SLC67A2: variants seen among roughly 807,000 people sequenced by gnomAD.
SLC67A2 encodes solute carrier family 67 member A2.
chr2:102,731,052 A>G, the SLC67A2 span: 1 of 1,613,972 alleles, frequency 6.2e-7, no homozygotes, highest in Non-Finnish European at 8.5e-7. Flanking sequence ...AGAGTTGCAA[A>G]ATGCCATAGG....
chr2:102,726,103 TA>T, the SLC67A2 span, among the ~76,000 whole-genome samples: 1 of 152,128 alleles, frequency 6.6e-6, no homozygotes, highest in Non-Finnish European at 1.5e-5. Context: ...TTCAAAATGT[TA>T]AAAACAGTCC....
chr2:102,718,717 T>G, the SLC67A2 span: 2 of 1,613,896 alleles, frequency 1.2e-6, no homozygotes, highest in South Asian at 2.2e-5. Context: ...AGAGGACAAC[T>G]GCACCCATGG....
chr2:102,715,555 T>C, the SLC67A2 span, among the ~76,000 whole-genome samples: 1 of 152,074 alleles, frequency 6.6e-6, no homozygotes, highest in Non-Finnish European at 1.5e-5. Context: ...TTCATCCCTC[T>C]AGACATGAGG....
At chr2:102,719,280 G>T in the SLC67A2 span, 1 of 1,444,358 alleles carries the variant, frequency 6.9e-7, no homozygotes, top group Non-Finnish European at 9.4e-7. Context: ...TTGGGGAAGG[G>T]CCAATTATTT....
At chr2:102,726,643 C>T in the SLC67A2 span, among the ~76,000 whole-genome samples, 2 of 152,058 alleles carry the variant, frequency 1.3e-5, no homozygotes, top group South Asian at 2.1e-4. Context: ...CACACACAGG[C>T]CAGCATTTCT....
At chr2:102,736,658 C>G in the SLC67A2 span, 1 of 1,613,968 alleles carries the variant, frequency 6.2e-7, no homozygotes. Flanking sequence ...AGAAGCCCAC[C>G]AAGTAGAGAC....
chr2:102,718,474 A>G, the SLC67A2 span: 1 of 1,614,104 alleles, frequency 6.2e-7, no homozygotes, highest in Non-Finnish European at 8.5e-7. Flanking sequence ...GCTTGTTTAG[A>G]GACATTATGA....
the SLC67A2 span, among the ~76,000 whole-genome samples, chr2:102,729,150 T>C: frequency 6.6e-6 from 1 of 152,208 alleles, no homozygotes; most frequent in Non-Finnish European, 1.5e-5. Flanking sequence ...GGAATTTCTG[T>C]ATCTTAAGGC....
At chr2:102,719,035 T>C in the SLC67A2 span, 1 of 1,614,228 alleles carries the variant, frequency 6.2e-7, no homozygotes, top group Non-Finnish European at 8.5e-7. Flanking sequence ...AGGCCAACAC[T>C]ACTTCGACCC....
chr2:102,729,993 C>T, the SLC67A2 span, among the ~76,000 whole-genome samples: 1 of 152,138 alleles, frequency 6.6e-6, no homozygotes, highest in Admixed American at 6.5e-5. Flanking sequence ...GACCCCCAGG[C>T]CAGCTATTGA....
At chr2:102,716,875 C>A in the SLC67A2 span, 4 of 152,170 alleles carry the variant, frequency 2.6e-5, no homozygotes, top group Admixed American at 2.0e-4. Flanking sequence ...CATATGTCTC[C>A]CTGCAAGGCT....
the SLC67A2 span, among the ~76,000 whole-genome samples, chr2:102,734,543 C>CAA: frequency 2.0e-4 from 30 of 150,668 alleles, no homozygotes; most frequent in South Asian, 6.3e-4. Context: ...CTAAATATGT[C>CAA]AAAAAAAAAC....
the SLC67A2 span, among the ~76,000 whole-genome samples, chr2:102,724,328 C>G: frequency 2.0e-5 from 3 of 152,084 alleles, no homozygotes; most frequent in African/African-American, 7.2e-5. Flanking sequence ...TATGGCCAGC[C>G]CTAAGGTTGA....
At chr2:102,723,242 G>A in the SLC67A2 span, among the ~76,000 whole-genome samples, 40 of 152,192 alleles carry the variant, frequency 2.6e-4, no homozygotes, top group Admixed American at 5.2e-4. Flanking sequence ...AGGCAGAGGC[G>A]GCGGATCGCA....
At chr2:102,736,590 G>A in the SLC67A2 span, 2 of 1,613,048 alleles carry the variant, frequency 1.2e-6, no homozygotes, top group Non-Finnish European at 1.7e-6. Flanking sequence ...AACCGCCTGG[G>A]TCCCCAGGCC....
chr2:102,726,816 G>GAAA, the SLC67A2 span: 5,929 of 1,295,388 alleles, frequency 4.6e-3, 19 homozygotes, highest in South Asian at 0.015. Flanking sequence ...AGCTACGTTT[G>GAAA]AAAAAAAAAA....
the SLC67A2 span, among the ~76,000 whole-genome samples, chr2:102,725,144 T>C: frequency 0.036 from 5,425 of 152,258 alleles, 144 homozygotes; most frequent in Middle Eastern, 0.071. Context: ...GGCGTCCAAC[T>C]CAGGCACTTA....
At chr2:102,736,864 G>A in the SLC67A2 span, 5 of 1,504,854 alleles carry the variant, frequency 3.3e-6, no homozygotes, top group South Asian at 2.6e-5. Flanking sequence ...TACCCCGGGA[G>A]CCCAGCCCCG....
At chr2:102,732,279 T>G in the SLC67A2 span, 1 of 1,507,516 alleles carries the variant, frequency 6.6e-7, no homozygotes, top group Non-Finnish European at 9.2e-7. Context: ...TTCAGAGGAT[T>G]TAAAATTCAG....
Sources: gnomAD v4.1 joint callset for allele counts (sites outside exome capture counted in the v4.1 genomes callset) on GRCh38, gnomAD v4.1.1 for gene constraint, MANE v1.5 for transcripts, NCBI Gene and HGNC (gene_info 2026-07-23, HGNC 2026-07-21) for gene names.